CADPS2: variants seen among roughly 807,000 people sequenced by gnomAD.
The protein encoded by CADPS2 is calcium dependent secretion activator 2.
CADPS2 carries 93 observed loss-of-function variants against 172.5 expected under a neutral mutation model. The ratio of observed to expected loss-of-function variants is 0.54; its 90% CI spans 0.46 to 0.64. CADPS2 has a LOEUF of 0.64. CADPS2 is among the 30% of genes least tolerant of loss of function. The probability of loss-of-function intolerance (pLI) is 0.00; values close to 1 mark genes in which losing one functional copy is unlikely to be tolerated. For missense variants in CADPS2, 1,420 were observed against 1,565.9 expected (o/e 0.91, Z 1.57); for synonymous variants, 546 against 555.2 (o/e 0.98, Z 0.23).
At chr7:122,477,163 G>GC (rs1310340548) in intron 12 of CADPS2, among the ~76,000 whole-genome samples, 1 of 151,684 alleles carries the variant, frequency 6.6e-6, no homozygotes, top group Non-Finnish European at 1.5e-5. Context: ...CAGTTTGCTG[G>GC]CCCTCTGGCC....
intron 2 of CADPS2, among the ~76,000 whole-genome samples, chr7:122,720,923 A>G (rs575573714): frequency 1.3e-5 from 2 of 152,140 alleles, no homozygotes; most frequent in East Asian, 1.9e-4. Context: ...TGGTTTAACA[A>G]AAAAGCTATC....
chr7:122,662,455 A>T (rs2135355369), intron 3 of CADPS2, among the ~76,000 whole-genome samples: 1 of 150,530 alleles, frequency 6.6e-6, no homozygotes, highest in South Asian at 2.1e-4. Flanking sequence ...AGCTCACTGC[A>T]ACCTCCGCCT....
intron 25 of CADPS2, among the ~76,000 whole-genome samples, chr7:122,375,728 A>G (rs1421716835): frequency 6.6e-6 from 1 of 152,092 alleles, no homozygotes; most frequent in Non-Finnish European, 1.5e-5. Flanking sequence ...CTATGATACA[A>G]AAAGCACAGG....
intron 29 of CADPS2, among the ~76,000 whole-genome samples, chr7:122,323,870 A>ATTT (rs1350484430): frequency 2.1e-5 from 2 of 95,998 alleles, no homozygotes; most frequent in African/African-American, 8.0e-5. Context: ...ACATATGTAT[A>ATTT]TTTTATATAT....
intron 7 of CADPS2, among the ~76,000 whole-genome samples, chr7:122,561,017 G>A (rs1396828793): frequency 3.3e-5 from 5 of 152,026 alleles, no homozygotes; most frequent in East Asian, 1.9e-4. Context: ...ACAGTTTCTC[G>A]TGTTTTAATA....
At chr7:122,869,144 A>G (rs1320912338) in intron 1 of CADPS2, among the ~76,000 whole-genome samples, 1 of 152,110 alleles carries the variant, frequency 6.6e-6, no homozygotes, top group East Asian at 1.9e-4. Flanking sequence ...ATTTAAAGAA[A>G]TAATGACAGA....
intron 6 of CADPS2, among the ~76,000 whole-genome samples, chr7:122,586,604 T>C (rs2133055061): frequency 6.6e-6 from 1 of 152,146 alleles, no homozygotes; most frequent in African/African-American, 2.4e-5. Context: ...GATGTTATGT[T>C]ATCTGTTAGA....
chr7:122,780,646 T>A (rs1476577133), intron 1 of CADPS2, among the ~76,000 whole-genome samples: 1 of 152,118 alleles, frequency 6.6e-6, no homozygotes, highest in Non-Finnish European at 1.5e-5. Flanking sequence ...TGAGACTACA[T>A]GTGTGTGTCT....
chr7:122,500,006 A>G (rs1307965598), intron 9 of CADPS2, among the ~76,000 whole-genome samples: 1 of 152,184 alleles, frequency 6.6e-6, no homozygotes, highest in African/African-American at 2.4e-5. Flanking sequence ...AAACATTTCC[A>G]TCAATGACTA....
chr7:122,834,269 T>G (rs987480255), intron 1 of CADPS2, among the ~76,000 whole-genome samples: 2 of 151,800 alleles, frequency 1.3e-5, no homozygotes, highest in Admixed American at 1.3e-4. Flanking sequence ...AAATACAGAG[T>G]TGAAGAAATC....
intron 15 of CADPS2, among the ~76,000 whole-genome samples, chr7:122,444,246 T>C (rs1320703204): frequency 6.6e-6 from 1 of 152,162 alleles, no homozygotes; most frequent in Non-Finnish European, 1.5e-5. Flanking sequence ...ATAGTTTGGC[T>C]ACTATGAATA....
At chr7:122,477,218 C>A (rs1586444955) in intron 12 of CADPS2, among the ~76,000 whole-genome samples, 1 of 152,180 alleles carries the variant, frequency 6.6e-6, no homozygotes, top group East Asian at 1.9e-4. Flanking sequence ...GTGTTTATAA[C>A]ATTACTGAAA....
At chr7:122,657,589 T>A (rs1171803109) in intron 3 of CADPS2, among the ~76,000 whole-genome samples, 1 of 152,120 alleles carries the variant, frequency 6.6e-6, no homozygotes, top group African/African-American at 2.4e-5. Context: ...TAGGAGTTCA[T>A]TTGTGATTTG....
rs778591650 is a variant in CADPS2, at chr7:122,388,720, T to C, written c.3027A>G (p.Ser1009=). ...LYESTNGSAT[S]EDLFWKLDAL... is the part of the protein sequence containing the mutation. ...CATCAAGCTTCCAAAAAAGGTCTTC[T>C]GATGTTGCTGAGCCATTGCTAGAAG... The change falls in exon 23 of 30, where the codon TCA becomes TCG. Residue 1009 remains serine (S), a synonymous_variant. Coordinates refer to ENST00000449022, the MANE Select transcript of CADPS2 (RefSeq NM_017954.11). The C allele has an allele frequency of 1.2e-6, 2 of 1,608,058 alleles. No homozygotes were observed. The highest frequency in any genetic ancestry group is 2.2e-5 in the East Asian group (1 of 44,796).
Position 122,886,238 on chromosome 7 carries a change from G to C in CADPS2, c.100C>G (p.Pro34Ala), listed in dbSNP as rs867917929. 6.7e-7 allele frequency: 1 copy of C among 1,499,480 alleles called. No individual in the cohort carries two copies. The highest frequency in any genetic ancestry group is 8.8e-7 in the Non-Finnish European group (1 of 1,131,540). The allele number at this position is 1,499,480 out of a possible 1,614,324, so 92.9% of individuals were successfully genotyped here. The change falls in exon 1 of 30, where the codon CCA becomes GCA. Residue 34 changes from proline to alanine, a missense_variant. Transcript: ENST00000449022. ...VAAGSSQRAP[P>A]APTREGRRDA... ...CGCCGCCCTTCCCGAGTCGGGGCTG[G>C]AGGAGCTCGCTGCGAGCTGCCGGCT...
At chr7:122,851,317 T>C (rs533994338) in intron 1 of CADPS2, among the ~76,000 whole-genome samples, 1 of 152,200 alleles carries the variant, frequency 6.6e-6, no homozygotes, top group Admixed American at 6.5e-5. Flanking sequence ...AGTCACTCAA[T>C]AGAGGACAGG....
intron 9 of CADPS2, among the ~76,000 whole-genome samples, chr7:122,497,215 T>C (rs1305828007): frequency 2.0e-5 from 3 of 152,146 alleles, no homozygotes; most frequent in Admixed American, 6.5e-5. Flanking sequence ...TTCTGTGTTA[T>C]ATTTTAGATC....
At chr7:122,664,832 T>C (rs191866996) in intron 2 of CADPS2, among the ~76,000 whole-genome samples, 23 of 152,294 alleles carry the variant, frequency 1.5e-4, no homozygotes, top group African/African-American at 5.5e-4. Context: ...TGGCCCAGGC[T>C]GGAGCCCAGT....
intron 17 of CADPS2, among the ~76,000 whole-genome samples, chr7:122,419,357 T>A (rs1161688285): frequency 1.3e-5 from 2 of 152,196 alleles, no homozygotes; most frequent in East Asian, 3.8e-4. Context: ...AACTGACAAA[T>A]GTTTAGTTCT....
Sources: allele counts gnomAD v4.1 joint callset (sites outside exome capture counted in the v4.1 genomes callset), GRCh38; gene constraint gnomAD v4.1.1; transcripts MANE v1.5; gene names NCBI Gene and HGNC (gene_info 2026-07-23, HGNC 2026-07-21).